ADD3: variants seen among roughly 807,000 people sequenced by gnomAD.
ADD3 encodes adducin 3, also known as gamma-adducin.
ADD3 carries 25 observed loss-of-function variants against 80.2 expected under a neutral mutation model. The observed-to-expected ratio is 0.31, with a 90% confidence interval of 0.23 to 0.44. The LOEUF (loss-of-function observed/expected upper bound fraction) is 0.44, where lower values mean the gene tolerates loss of function less well. Ranked by LOEUF, ADD3 falls within the 20% of genes least tolerant of loss-of-function variation. The probability of loss-of-function intolerance (pLI) is 1.00; values close to 1 mark genes in which losing one functional copy is unlikely to be tolerated. For synonymous variants in ADD3, 284 were observed against 289.6 expected, an observed-to-expected ratio of 0.98 and a Z score of 0.20; for missense variants, 829 against 847.5, an observed-to-expected ratio of 0.98 and a Z score of 0.27.
chr10:110,068,947 T>G (rs190091901), intron 1 of ADD3, among the ~76,000 whole-genome samples: 125 of 152,162 alleles, frequency 8.2e-4, no homozygotes, highest in African/African-American at 3.0e-3. Flanking sequence ...CGTGGTCATG[T>G]GAGCCTGTGG....
At chr10:110,098,546 G>C (rs1397694787) in intron 1 of ADD3, among the ~76,000 whole-genome samples, 2 of 152,150 alleles carry the variant, frequency 1.3e-5, no homozygotes, top group Non-Finnish European at 2.9e-5. Flanking sequence ...TAAGCAGATA[G>C]TTGTAACATT....
chr10:110,004,522 G>C (rs983506158), upstream of ADD3, among the ~76,000 whole-genome samples: 1 of 151,696 alleles, frequency 6.6e-6, no homozygotes, highest in Non-Finnish European at 1.5e-5. Flanking sequence ...TGTTGGCCAG[G>C]ATGGTCTTGA....
chr10:110,076,674 T>G (rs1009610492), intron 1 of ADD3, among the ~76,000 whole-genome samples: 1 of 152,202 alleles, frequency 6.6e-6, no homozygotes, highest in African/African-American at 2.4e-5. Context: ...ATGTAAAAGC[T>G]GCTGTTGCTA....
Position 110,133,574 on chromosome 10 carries a change from T to C in ADD3, c.2077T>C (p.Ser693Pro), listed in dbSNP as rs763406006. 6.3e-6 allele frequency: 10 copies of C among 1,598,244 alleles called. No homozygotes were observed. The highest frequency in any genetic ancestry group is 2.7e-5 in the African/African-American group (2 of 73,894). Residue 693 changes from serine to proline, a missense_variant, in exon 15 of 15, where the codon TCT becomes CCT. Transcript: ENST00000356080. ...SKKKKKFRTP[S>P]FLKKNKKKEK... Reference sequence around the variant, plus strand: ...GAAAAAGAAGAAATTCCGCACTCCTTCTTTTCTGAAAAAGAACAAAAAAAA... The same window carrying C: ...GAAAAAGAAGAAATTCCGCACTCCTCCTTTTCTGAAAAAGAACAAAAAAAA...
chr10:110,087,026 A>AT (rs1242984209), intron 1 of ADD3, among the ~76,000 whole-genome samples: 41 of 149,478 alleles, frequency 2.7e-4, no homozygotes, highest in South Asian at 1.7e-3. Context: ...AGTGGCTTTT[A>AT]TTTTTTTTTT....
At chr10:110,119,840 T>C (rs1565019213) in intron 8 of ADD3, 3 of 313,298 alleles carry the variant, frequency 9.6e-6, no homozygotes, top group Non-Finnish European at 1.8e-5. Context: ...TGCATATTTC[T>C]GTTTTCACCC....
chr10:110,123,486 A>G (rs540081089), intron 9 of ADD3, among the ~76,000 whole-genome samples: 5 of 152,202 alleles, frequency 3.3e-5, no homozygotes, highest in Middle Eastern at 6.8e-3. Context: ...GACCATTTGT[A>G]TGTCTTCTTT....
chr10:110,118,602 AT>A lies in ADD3; in HGVS notation c.584del (p.Ile195LysfsTer12). On this transcript the variant is annotated frameshift_variant, in exon 6 of 15. Coordinates refer to ENST00000356080, the MANE Select transcript of ADD3 (RefSeq NM_016824.5). LOFTEE classifies it high-confidence loss of function. ...TASNLVKVNI[I>X]GEVVDQGSTN... Reference sequence around the variant, plus strand: ...TTTTTTCCAGGTGAAAGTCAATATAATAGGAGAAGTGGTTGACCAGGGAAGT... The same window carrying A: ...TTTTTTCCAGGTGAAAGTCAATATAAAGGAGAAGTGGTTGACCAGGGAAGT... 1 of 1,613,934 alleles carries A rather than the reference AT, an allele frequency of 6.2e-7. No individual in the cohort carries two copies. Among genetic ancestry groups the A allele is most frequent in the Non-Finnish European group, 8.5e-7 (1 of 1,179,792 alleles).
At chr10:110,085,787 G>T (rs1461265580) in intron 1 of ADD3, among the ~76,000 whole-genome samples, 1 of 152,152 alleles carries the variant, frequency 6.6e-6, no homozygotes, top group Non-Finnish European at 1.5e-5. Context: ...AGAGTGAGTG[G>T]AGTGGCTCAG....
upstream of ADD3, among the ~76,000 whole-genome samples, chr10:110,003,200 T>G (rs939410706): frequency 6.6e-6 from 1 of 152,102 alleles, no homozygotes; most frequent in Admixed American, 6.6e-5. Context: ...GGGAGAGGAT[T>G]CTATAAATTC....
intron 1 of ADD3, among the ~76,000 whole-genome samples, chr10:110,086,582 A>G (rs911506144): frequency 6.6e-6 from 1 of 152,146 alleles, no homozygotes; most frequent in Non-Finnish European, 1.5e-5. Context: ...ATCTCATGAT[A>G]GAGTTCTCAC....
chr10:110,130,595 C>T (rs1852836613), intron 13 of ADD3, 109 bp downstream of exon 13: 3 of 1,234,308 alleles, frequency 2.4e-6, no homozygotes, highest in Non-Finnish European at 2.3e-6. Flanking sequence ...ATGGCTCACA[C>T]CTGTAATCCC....
At chr10:109,997,928 T>C (rs1047684137) in intron 1 of ADD3, among the ~76,000 whole-genome samples, 7 of 152,198 alleles carry the variant, frequency 4.6e-5, no homozygotes, top group Non-Finnish European at 1.0e-4. Flanking sequence ...GCGGTTTTCA[T>C]GTACACTTAA....
At chr10:110,074,892 C>T (rs550769187) in intron 1 of ADD3, among the ~76,000 whole-genome samples, 2 of 151,962 alleles carry the variant, frequency 1.3e-5, no homozygotes, top group South Asian at 2.1e-4. Flanking sequence ...ACTGAGGAGG[C>T]GGGAGGGAAG....
chr10:110,006,020 G>A (rs1414582350), upstream of ADD3: 2 of 240,536 alleles, frequency 8.3e-6, no homozygotes. Context: ...CGCCGCCGCT[G>A]CTGCTGCTGC....
intron 2 of ADD3, among the ~76,000 whole-genome samples, chr10:110,110,167 C>A (rs4495833): frequency 0.02 from 3,042 of 152,218 alleles, 112 homozygotes; most frequent in African/African-American, 0.069. Context: ...CTCAAATATC[C>A]ACTTGCCTTA....
At chr10:110,082,495 A>G (rs1846184218) in intron 1 of ADD3, among the ~76,000 whole-genome samples, 1 of 152,242 alleles carries the variant, frequency 6.6e-6, no homozygotes, top group South Asian at 2.1e-4. Flanking sequence ...TCTGTAAAAC[A>G]TTAAACTGTC....
chr10:110,019,744 G>A (rs1221453771), intron 1 of ADD3, among the ~76,000 whole-genome samples: 1 of 152,192 alleles, frequency 6.6e-6, no homozygotes, highest in Non-Finnish European at 1.5e-5. Context: ...TTATGCTTCT[G>A]AAGAAGCTGA....
intron 1 of ADD3, among the ~76,000 whole-genome samples, chr10:110,054,749 G>A (rs1857959062): frequency 6.6e-6 from 1 of 151,996 alleles, no homozygotes; most frequent in Admixed American, 6.6e-5. Context: ...AAGTAGCTGG[G>A]ACTACAGGTG....
Sources: gnomAD v4.1 joint callset for allele counts (sites outside exome capture counted in the v4.1 genomes callset) on GRCh38, gnomAD v4.1.1 for gene constraint, MANE v1.5 for transcripts, NCBI Gene and HGNC (gene_info 2026-07-23, HGNC 2026-07-21) for gene names.